Variants in ROBO1 observed in about 807,000 individuals in gnomAD.
ROBO1 encodes roundabout homolog 1.
Under a neutral mutation model 195.9 loss-of-function variants are expected in ROBO1, and 149 were observed. That is an observed-to-expected ratio of 0.76 (90% CI 0.67 to 0.87). The LOEUF (loss-of-function observed/expected upper bound fraction) is 0.87. Among genes scored for constraint, ROBO1 ranks in the 40% least tolerant of loss-of-function variants. The pLI is 0.00. For synonymous variants in ROBO1, 816 were observed against 733.2 expected (o/e 1.11, Z -1.82); for missense variants, 1,933 against 2,068.3 (o/e 0.93, Z 1.27).
At chr3:79,710,625 C>G (rs1402352799) in intron 1 of ROBO1, among the ~76,000 whole-genome samples, 1 of 152,010 alleles carries the variant, frequency 6.6e-6, no homozygotes, top group Non-Finnish European at 1.5e-5. Context: ...TAATAATGTG[C>G]AAGGCAATTG....
At chr3:79,371,799 T>G (rs1253362316) in intron 2 of ROBO1, among the ~76,000 whole-genome samples, 5 of 152,192 alleles carry the variant, frequency 3.3e-5, no homozygotes, top group African/African-American at 1.2e-4. Flanking sequence ...CAATTAAAGT[T>G]AAATGGATTT....
intron 1 of ROBO1, among the ~76,000 whole-genome samples, chr3:79,688,113 G>A (rs1225966306): frequency 4.7e-5 from 7 of 150,356 alleles, no homozygotes; most frequent in Non-Finnish European, 7.4e-5. Flanking sequence ...GCAAACTATC[G>A]CAAGGACTAA....
intron 5 of ROBO1, among the ~76,000 whole-genome samples, chr3:78,746,014 A>G (rs886486390): frequency 6.6e-6 from 1 of 152,216 alleles, no homozygotes; most frequent in East Asian, 1.9e-4. Flanking sequence ...ATGCTGAACA[A>G]AGAGAATCGT....
At chr3:78,926,221 T>G (rs1016319589) in intron 4 of ROBO1, among the ~76,000 whole-genome samples, 1 of 152,148 alleles carries the variant, frequency 6.6e-6, no homozygotes, top group African/African-American at 2.4e-5. Context: ...TAGGCCACAA[T>G]GCTGGGGTCA....
At chr3:79,718,143 A>G (rs1369876257) in intron 1 of ROBO1, among the ~76,000 whole-genome samples, 1 of 152,048 alleles carries the variant, frequency 6.6e-6, no homozygotes, top group Non-Finnish European at 1.5e-5. Flanking sequence ...TGCTCATAAC[A>G]TTATTTTATT....
intron 3 of ROBO1, among the ~76,000 whole-genome samples, chr3:78,939,386 G>A (rs1002799152): frequency 9.2e-5 from 14 of 151,702 alleles, no homozygotes; most frequent in South Asian, 2.1e-4. Context: ...GGGCCGAGGC[G>A]GGCGGATCAC....
intron 2 of ROBO1, among the ~76,000 whole-genome samples, chr3:79,145,707 T>C (rs961453688): frequency 1.3e-5 from 2 of 152,030 alleles, no homozygotes; most frequent in Non-Finnish European, 2.9e-5. Context: ...TGGATTGTCC[T>C]GAATTTAAAC....
intron 10 of ROBO1, 197 bp from the exon 11 acceptor site, chr3:78,670,498 T>C (rs1428211752): frequency 3.5e-6 from 2 of 565,984 alleles, no homozygotes; most frequent in Admixed American, 3.2e-5. Context: ...CACAATGTGC[T>C]ACTTTCAAAT....
chr3:78,922,256 G>C (rs1334125410), intron 4 of ROBO1, among the ~76,000 whole-genome samples: 3 of 152,006 alleles, frequency 2.0e-5, no homozygotes, highest in Admixed American at 2.0e-4. Flanking sequence ...TGACCCCCAA[G>C]TCATCAACCA....
chr3:79,564,946 G>A (rs1320159884), intron 2 of ROBO1, among the ~76,000 whole-genome samples: 2 of 152,030 alleles, frequency 1.3e-5, no homozygotes, highest in African/African-American at 4.8e-5. Context: ...AAGTATTTCA[G>A]TATATTTTTA....
At chr3:79,509,153 A>T (rs1940564015) in intron 2 of ROBO1, among the ~76,000 whole-genome samples, 1 of 152,122 alleles carries the variant, frequency 6.6e-6, no homozygotes, top group Non-Finnish European at 1.5e-5. Context: ...ATGGATTCAG[A>T]TCTATTATGT....
chr3:78,963,847 T>C (rs2041535061), intron 3 of ROBO1, among the ~76,000 whole-genome samples: 1 of 152,148 alleles, frequency 6.6e-6, no homozygotes, highest in African/African-American at 2.4e-5. Flanking sequence ...GTCATGAATA[T>C]ACAACAAATT....
chr3:79,724,122 G>A (rs1206192235), intron 1 of ROBO1, among the ~76,000 whole-genome samples: 5 of 152,184 alleles, frequency 3.3e-5, no homozygotes, highest in Non-Finnish European at 5.9e-5. Flanking sequence ...ATTTGACGCT[G>A]TGTCTAAGGC....
intron 4 of ROBO1, among the ~76,000 whole-genome samples, chr3:78,932,283 T>A (rs894343940): frequency 6.6e-6 from 1 of 152,200 alleles, no homozygotes. Context: ...GAATTTCCCA[T>A]AAATAACCAA....
intron 3 of ROBO1, among the ~76,000 whole-genome samples, chr3:78,991,565 G>T (rs997938172): frequency 1.3e-5 from 2 of 152,200 alleles, no homozygotes; most frequent in African/African-American, 4.8e-5. Context: ...ACTACCAGGT[G>T]AAACCTGGTA....
At chr3:79,248,719 A>C (rs1182746415) in intron 2 of ROBO1, among the ~76,000 whole-genome samples, 2 of 152,168 alleles carry the variant, frequency 1.3e-5, no homozygotes, top group East Asian at 3.9e-4. Context: ...TTTGCTCTAA[A>C]GAGGTGATAG....
intron 1 of ROBO1, among the ~76,000 whole-genome samples, chr3:79,647,958 G>A (rs772395144): frequency 3.2e-4 from 48 of 151,932 alleles, no homozygotes; most frequent in Non-Finnish European, 6.2e-4. Context: ...GAATTTTGTT[G>A]ACGTTTTTGT....
intron 2 of ROBO1, among the ~76,000 whole-genome samples, chr3:79,508,980 T>C (rs1179254139): frequency 6.6e-6 from 1 of 152,218 alleles, no homozygotes; most frequent in Non-Finnish European, 1.5e-5. Context: ...AAAGAATTCA[T>C]AGTTGAAGAC....
At chr3:78,699,203 T>A (rs2081364647) in intron 8 of ROBO1, among the ~76,000 whole-genome samples, 1 of 152,040 alleles carries the variant, frequency 6.6e-6, no homozygotes, top group Non-Finnish European at 1.5e-5. Context: ...CCTACTATTT[T>A]GGTCTTTTCC....
Sources: gnomAD v4.1 joint callset for allele counts (sites outside exome capture counted in the v4.1 genomes callset) on GRCh38, gnomAD v4.1.1 for gene constraint, MANE v1.5 for transcripts, NCBI Gene and HGNC (gene_info 2026-07-23, HGNC 2026-07-21) for gene names.